Variants in TEF observed in about 807,000 individuals in gnomAD.
The protein encoded by TEF is TEF transcription factor, PAR bZIP family member.
TEF carries 3 observed loss-of-function variants against 20.8 expected under a neutral mutation model. That is an observed-to-expected ratio of 0.14 (90% CI 0.07 to 0.37). The LOEUF (loss-of-function observed/expected upper bound fraction) is 0.37. TEF is among the 10% of genes least tolerant of loss of function. The probability of loss-of-function intolerance (pLI) is 1.00; values close to 1 mark genes in which losing one functional copy is unlikely to be tolerated. For synonymous variants in TEF, 180 were observed against 171.1 expected (o/e 1.05, Z -0.41); for missense variants, 296 against 397.9 (o/e 0.74, Z 2.18).
rs2036852033 is a variant in TEF, at chr22:41,369,138, CAGGGG to C, written c.67+1540_67+1544del. The stretch of plus-strand genomic sequence containing the variant: ...CTGCCAGTGGGGCAGGGAGGATTCT[CAGGGG>C]CGACTCGGGGCACTGCTCCTCAGAT... On this transcript the variant is annotated intron_variant, in intron 1 of 3. Coordinates refer to the TEF transcript ENST00000406644. 3 of 985,268 alleles carry C rather than the reference CAGGGG, an allele frequency of 3.0e-6. No homozygotes were observed. In the African/African-American group the frequency reaches 5.2e-5, roughly 17 times the overall value. The allele number at this position is 985,268 out of a possible 1,614,324, so 61.0% of individuals were successfully genotyped here.
rs759722224 is a variant in TEF, at chr22:41,396,336, G to A, written c.*376G>A. ...GCCTGGGCTGCCGAGGGCTATCTCT[G>A]CAGAATGAGTTGTGATCATTGTCAC... is the stretch of plus-strand genomic sequence containing the variant. On this transcript the variant is annotated 3_prime_UTR_variant, in exon 4 of 4. Coordinates refer to ENST00000266304, the MANE Select transcript of TEF (RefSeq NM_003216.4). 27 of 217,178 alleles carry A rather than the reference G, an allele frequency of 1.2e-4. No homozygotes were observed. The highest frequency in any genetic ancestry group is 4.1e-4 in the Admixed American group (8 of 19,460). The allele number at this position is 217,178 out of a possible 1,614,324, so 13.5% of individuals were successfully genotyped here.
intron 1 of TEF, chr22:41,370,221 TCTC>T (rs2036866531): frequency 2.1e-6 from 1 of 478,868 alleles, no homozygotes; most frequent in African/African-American, 2.1e-5. Flanking sequence ...TTCAAGCAAT[TCTC>T]CTGCCTCAGC....
intron 1 of TEF, among the ~76,000 whole-genome samples, chr22:41,376,835 G>A (rs60431895): frequency 0.018 from 2,783 of 152,282 alleles, 83 homozygotes; most frequent in African/African-American, 0.06. Context: ...TGAGGCGGGC[G>A]TATCCATCTC....
At chr22:41,371,021 TG>T (rs2036877044) in intron 1 of TEF, among the ~76,000 whole-genome samples, 1 of 152,236 alleles carries the variant, frequency 6.6e-6, no homozygotes. Flanking sequence ...TCTATGTCCC[TG>T]GGCCCTAAAT....
intron 2 of TEF, among the ~76,000 whole-genome samples, chr22:41,390,493 ATCT>A (rs1697436197): frequency 1.5e-5 from 2 of 131,086 alleles, no homozygotes; most frequent in Non-Finnish European, 3.2e-5. Context: ...TCTCATTGTC[ATCT>A]TTTTTTTTTT....
At chr22:41,367,952 G>A (rs1189916307) in intron 1 of TEF, among the ~76,000 whole-genome samples, 1 of 152,164 alleles carries the variant, frequency 6.6e-6, no homozygotes, top group Admixed American at 6.5e-5. Flanking sequence ...GCTGGGGGTG[G>A]CAGAGGAGCG....
chr22:41,395,458 G>A (rs1386544952), intron 3 of TEF, among the ~76,000 whole-genome samples: 1 of 152,180 alleles, frequency 6.6e-6, no homozygotes, highest in African/African-American at 2.4e-5. Context: ...AGGCAAGGGT[G>A]TGGACAGTGC....
intron 1 of TEF, among the ~76,000 whole-genome samples, chr22:41,375,370 G>A (rs552876462): frequency 2.0e-4 from 30 of 152,274 alleles, no homozygotes; most frequent in African/African-American, 6.0e-4. Context: ...AGGCTTGTGC[G>A]GGCAGACTTG....
rs2036835826 is a variant in TEF, at chr22:41,367,545, G to A, written c.13G>A (p.Glu5Lys). 4 of 1,551,322 alleles carry A rather than the reference G, an allele frequency of 2.6e-6. No homozygotes were observed. In the South Asian group the frequency reaches 3.6e-5, roughly 14 times the overall value. ...AGTGGCCCCTGCCATGGACATGCCT[G>A]AGGTCCTCAAGTCCCTGCTGGAGCA... is the stretch of plus-strand genomic sequence containing the variant. The change falls in exon 1 of 4, where the codon GAG becomes AAG. Residue 5 changes from glutamate (E) to lysine (K), a missense_variant. Physicochemically the swap from Glu to Lys is moderately conservative, Grantham distance 56 (BLOSUM62 1). Transcript: ENST00000406644.
intron 2 of TEF, among the ~76,000 whole-genome samples, chr22:41,389,872 A>G (rs1220551631): frequency 6.6e-6 from 1 of 152,132 alleles, no homozygotes; most frequent in Non-Finnish European, 1.5e-5. Context: ...TTGGTTATGA[A>G]TAATGCTGCC....
intron 2 of TEF, among the ~76,000 whole-genome samples, chr22:41,392,003 G>A (rs1477556111): frequency 6.6e-6 from 1 of 152,166 alleles, no homozygotes; most frequent in Non-Finnish European, 1.5e-5. Flanking sequence ...TGCAGGCAGG[G>A]ATTTTTAGCT....
At chr22:41,395,505 A>G (rs1258883256) in intron 3 of TEF, among the ~76,000 whole-genome samples, 1 of 152,166 alleles carries the variant, frequency 6.6e-6, no homozygotes, top group Non-Finnish European at 1.5e-5. Context: ...CCAGGCCTCC[A>G]GGAGATGAGT....
rs994887537 is a variant in TEF at position 41,382,218 on chromosome 22, G to T, written c.157+17G>T. 2.8e-5 allele frequency: 35 copies of T among 1,229,038 alleles called. No individual in the cohort carries two copies. The highest frequency in any genetic ancestry group is 3.4e-5 in the Non-Finnish European group (34 of 986,116). The allele number at this position is 1,229,038 out of a possible 1,614,324, so 76.1% of individuals were successfully genotyped here. A position where few individuals can be genotyped will look rare whatever the true frequency, so the allele number is the denominator to read the frequency against. ...CGCGCCTCGGTGAGGGCGGGGGGGT[G>T]GTCCGCGCGGGCTGGGGGCGGGGCT... On this transcript the variant is annotated intron_variant, in intron 1 of 3. Coordinates refer to ENST00000266304, the MANE Select transcript of TEF (RefSeq NM_003216.4).
intron 2 of TEF, among the ~76,000 whole-genome samples, chr22:41,391,743 C>G (rs746402190): frequency 6.6e-6 from 1 of 151,908 alleles, no homozygotes; most frequent in Non-Finnish European, 1.5e-5. Context: ...CTGCCTCAGT[C>G]TCCTGAGTAG....
In TEF at chr22:41,399,056, G is replaced by A. The variant is rs1174952014; in HGVS notation, c.*3096G>A. On this transcript the variant is annotated 3_prime_UTR_variant, in exon 4 of 4. Coordinates refer to ENST00000266304, the MANE Select transcript of TEF (RefSeq NM_003216.4). Reference sequence around the variant, plus strand: ...ACCACTTGGTTTTATTTTTCTAAGTGCATGTGATGTGATAGAGTGTGTGGG... The same window carrying A: ...ACCACTTGGTTTTATTTTTCTAAGTACATGTGATGTGATAGAGTGTGTGGG... 6.6e-6 allele frequency: 1 copy of A among 152,668 alleles called. No homozygotes were observed. Among genetic ancestry groups the A allele is most frequent in the African/African-American group, 2.4e-5 (1 of 41,446 alleles). 9.5% of individuals were successfully genotyped at this position (152,668 alleles called of 1,614,324 possible).
At chr22:41,395,292 C>T (rs2037213918) in intron 3 of TEF, among the ~76,000 whole-genome samples, 1 of 152,286 alleles carries the variant, frequency 6.6e-6, no homozygotes, top group African/African-American at 2.4e-5. Flanking sequence ...AGGTGTGAGC[C>T]ACCATGCCTG....
chr22:41,384,784 C>T (rs779398183), intron 1 of TEF, among the ~76,000 whole-genome samples: 1 of 152,014 alleles, frequency 6.6e-6, no homozygotes, highest in Non-Finnish European at 1.5e-5. Flanking sequence ...CAGACTTTCG[C>T]CCTCGTTGTC....
rs976516843 is a variant in TEF at position 41,396,020 on chromosome 22, C to T, written c.*60C>T. 2.3e-4 allele frequency: 353 copies of T among 1,545,354 alleles called. No homozygotes were observed. The highest frequency in any genetic ancestry group is 3.6e-4 in the Admixed American group (20 of 55,838). On this transcript the variant is annotated 3_prime_UTR_variant, in exon 4 of 4. Transcript: ENST00000266304. ...ACCTCAGACCTCTGCCTGGGGGCTC[C>T]CTGTAACCCCTCACACGCGTGGAGA...
In TEF at chr22:41,382,007, C is replaced by CGGGGGAGGCGAGGT. The variant is rs1569254567; in HGVS notation, c.-36_-23dup. 1 of 1,226,636 alleles carries CGGGGGAGGCGAGGT rather than the reference C, an allele frequency of 8.2e-7. No homozygotes were observed. The highest frequency in any genetic ancestry group is 1.6e-5 in the African/African-American group (1 of 63,584). 76.0% of individuals were successfully genotyped at this position (1,226,636 alleles called of 1,614,324 possible). A position where few individuals can be genotyped will look rare whatever the true frequency, so the allele number is the denominator to read the frequency against. Reference sequence around the variant, plus strand: ...GCTCCGGCCCATCTCGGGGGGCGGGCGGGGGAGGCGAGGTGCGCGAGCCGA... The same window carrying CGGGGGAGGCGAGGT: ...GCTCCGGCCCATCTCGGGGGGCGGGCGGGGGAGGCGAGGTGGGGGAGGCGAGGTGCGCGAGCCGA... On this transcript the variant is annotated 5_prime_UTR_variant, in exon 1 of 4. Transcript: ENST00000266304.
Sources: gnomAD v4.1 joint callset for allele counts (sites outside exome capture counted in the v4.1 genomes callset) on GRCh38, gnomAD v4.1.1 for gene constraint, MANE v1.5 for transcripts, NCBI Gene and HGNC (gene_info 2026-07-23, HGNC 2026-07-21) for gene names.